The following LRRK2 variants were observed in gnomAD, a reference collection of about 807,000 sequenced individuals.
LRRK2 encodes leucine-rich repeat serine/threonine-protein kinase 2.
A neutral mutation model predicts 302.6 loss-of-function variants in LRRK2; 203 were observed. That is an observed-to-expected ratio of 0.67 (90% confidence interval 0.60 to 0.75). LRRK2 has a LOEUF of 0.75. LRRK2 is among the 30% of genes least tolerant of loss of function. The pLI, the probability that LRRK2 is intolerant of heterozygous loss-of-function variation, is 0.00. For missense variants in LRRK2, 2,830 were observed against 2,951.0 expected (o/e 0.96, Z 0.95); for synonymous variants, 1,066 against 1,031.9 (o/e 1.03, Z -0.63).
chr12:40,274,308 G>A (rs1943359376), intron 14 of LRRK2, among the ~76,000 whole-genome samples: 1 of 152,140 alleles, frequency 6.6e-6, no homozygotes, highest in South Asian at 2.1e-4. Flanking sequence ...TCTAATGGGA[G>A]TGATATCAGT....
intron 3 of LRRK2, 60 bp downstream of exon 3, chr12:40,232,443 C>T: frequency 8.4e-7 from 1 of 1,189,708 alleles, no homozygotes; most frequent in Non-Finnish European, 1.3e-6. Context: ...CACATGACAA[C>T]CTTCCCTTGA....
rs199843206 is a variant in LRRK2 at position 40,319,979 on chromosome 12, A to G, written c.4828-9A>G. Reference sequence around the variant, plus strand: ...ATTTTAGTGATTATTTATGACTCGAATCTTTCAGATTTTGACAGTGAAAGT... The same window carrying G: ...ATTTTAGTGATTATTTATGACTCGAGTCTTTCAGATTTTGACAGTGAAAGT... On this transcript the variant is annotated splice_polypyrimidine_tract_variant and intron_variant, in intron 33 of 50. Transcript: ENST00000298910. 5.0e-6 allele frequency: 8 copies of G among 1,605,730 alleles called. No homozygotes were observed. Among genetic ancestry groups the G allele is most frequent in the Non-Finnish European group, 6.8e-6 (8 of 1,176,030 alleles).
chr12:40,237,817 G>A, intron 4 of LRRK2, 152 bp from the exon 5 acceptor site: 2 of 753,520 alleles, frequency 2.7e-6, no homozygotes, highest in South Asian at 3.5e-5. Flanking sequence ...CAGTTAAGTA[G>A]TTTATCAACA....
chr12:40,281,864 T>C lies in LRRK2; in HGVS notation c.2242-2011T>C, dbSNP rs528824120. On this transcript the variant is annotated intron_variant, in intron 18 of 50. Transcript: ENST00000298910. ...ATGGGTTTCCTGTTTCAAGATGGTT[T>C]GTAGGTCTGTATGTGTAGGGCATTG... is the stretch of plus-strand genomic sequence containing the variant. Among the ~76,000 whole-genome samples, 48 of 152,318 alleles carry C rather than the reference T, an allele frequency of 3.2e-4. 1 individual carries two copies. Among genetic ancestry groups the C allele is most frequent in the African/African-American group, 1.1e-3 (46 of 41,580 alleles).
rs1477718182 is a variant in LRRK2, at chr12:40,365,049, A to G, written c.7389A>G (p.Leu2463=). ...TCAGAGTCATGATGACAGCACAGCT[A>G]GGCAAGTTTCTTTCCTTTAGATATT... The part of the protein sequence containing the change: ...NSVRVMMTAQ[L]GSLKNVMLVL... The change falls in exon 49 of 51, where the codon CTA becomes CTG. Residue 2463 remains leucine (L), a splice_region_variant and synonymous_variant. Transcript: ENST00000298910. 2.5e-6 allele frequency: 4 copies of G among 1,611,148 alleles called. No individual in the cohort carries two copies. The Admixed American group carries it at 5.0e-5, about 20-fold the overall frequency.
intron 38 of LRRK2, 149 bp downstream of exon 38, chr12:40,323,455 A>G: frequency 1.3e-6 from 1 of 752,212 alleles, no homozygotes; most frequent in South Asian, 2.0e-5. Context: ...TATATTTTAA[A>G]GGAATATAAT....
chr12:40,291,011 TA>T (rs1565717903), intron 20 of LRRK2, among the ~76,000 whole-genome samples: 1 of 152,052 alleles, frequency 6.6e-6, no homozygotes, highest in Admixed American at 6.6e-5. Context: ...TCTATTCATT[TA>T]AAAAAATTTA....
intron 48 of LRRK2, 35 bp downstream of exon 48, chr12:40,363,589 G>T (rs767058004): frequency 2.5e-6 from 4 of 1,602,686 alleles, no homozygotes; most frequent in Non-Finnish European, 2.6e-6. Flanking sequence ...ATTCCCAAAA[G>T]AATTATCTTT....
Position 40,346,921 on chromosome 12 carries a change from C to G in LRRK2, c.6278C>G (p.Pro2093Arg), listed in dbSNP as rs1946204697. The G allele has an allele frequency of 1.9e-6, 3 of 1,609,338 alleles. No homozygotes were observed. Among genetic ancestry groups the G allele is most frequent in the Non-Finnish European group, 2.5e-6 (3 of 1,178,636 alleles). ...GAATTAGAAATACAAGGAAAATTAC[C>G]TGGTAAGTTCTGTTTTCTCTACAAT... Reference protein sequence around the residue: ...FDELEIQGKLPDPVKEYGCAP... With the variant: ...FDELEIQGKLRDPVKEYGCAP... The change falls in exon 42 of 51, where the codon CCT (proline) becomes CGT (arginine). Residue 2093 changes from proline (P) to arginine (R), a missense_variant and splice_region_variant. Coordinates refer to ENST00000298910, the MANE Select transcript of LRRK2 (RefSeq NM_198578.4).
Position 40,365,062 on chromosome 12 carries a change from TC to T in LRRK2, c.7390+14del, listed in dbSNP as rs1410414442. ...GACAGCACAGCTAGGCAAGTTTCTT[TC>T]CTTTAGATATTTTTCATATTCTCTA... On this transcript the variant is annotated intron_variant, in intron 49 of 50. Transcript: ENST00000298910. 6.2e-7 allele frequency: 1 copy of T among 1,605,988 alleles called. No individual in the cohort carries two copies. The highest frequency in any genetic ancestry group is 1.1e-5 in the South Asian group (1 of 90,870).
rs1188539174 is a variant in LRRK2 at position 40,232,341 on chromosome 12, C to T, written c.305C>T (p.Pro102Leu). 1 of 1,613,910 alleles carries T rather than the reference C, an allele frequency of 6.2e-7. No homozygotes were observed. The highest frequency in any genetic ancestry group is 2.2e-5 in the East Asian group (1 of 44,848). Reference protein sequence around the residue: ...CPGTMQSLMGPQDVGNDWEVL... With the variant: ...CPGTMQSLMGLQDVGNDWEVL... ...GGTACAATGCAAAGCTTAATGGGAC[C>T]CCAGGATGTTGGAAATGATTGGGAA... The change falls in exon 3 of 51, where the codon CCC (proline) becomes CTC (leucine). Residue 102 changes from proline to leucine, a missense_variant. Pro to Leu is a moderately conservative substitution (Grantham distance 98, BLOSUM62 -3). Coordinates refer to ENST00000298910, the MANE Select transcript of LRRK2 (RefSeq NM_198578.4).
At chr12:40,344,549 G>T (rs1001319439) in intron 41 of LRRK2, among the ~76,000 whole-genome samples, 1 of 152,082 alleles carries the variant, frequency 6.6e-6, no homozygotes, top group Non-Finnish European at 1.5e-5. Context: ...TATGTCGTTT[G>T]TAAAATAGAA....
chr12:40,355,907 G>T (rs189429073), intron 45 of LRRK2, among the ~76,000 whole-genome samples: 30 of 152,194 alleles, frequency 2.0e-4, no homozygotes, highest in Non-Finnish European at 8.8e-5. Flanking sequence ...CATTCTTGGG[G>T]TATAAAACTG....
intron 27 of LRRK2, among the ~76,000 whole-genome samples, chr12:40,305,506 G>A (rs1174141123): frequency 1.3e-5 from 2 of 152,096 alleles, no homozygotes; most frequent in African/African-American, 2.4e-5. Flanking sequence ...TCAATGTCTT[G>A]AAGAGATGAA....
At chr12:40,363,595 T>G (rs780751474) in intron 48 of LRRK2, 41 bp downstream of exon 48, 10 of 1,594,038 alleles carry the variant, frequency 6.3e-6, no homozygotes, top group Non-Finnish European at 8.6e-6. Context: ...AAAAGAATTA[T>G]CTTTGCACTT....
intron 40 of LRRK2, among the ~76,000 whole-genome samples, chr12:40,339,777 A>T (rs1313996988): frequency 6.6e-6 from 1 of 152,190 alleles, no homozygotes; most frequent in African/African-American, 2.4e-5. Flanking sequence ...ACATTGGGAA[A>T]CATTTTAGTC....
chr12:40,252,818 ATTG>A (rs1219475600), intron 10 of LRRK2, 89 bp from the exon 11 acceptor site: 2 of 826,720 alleles, frequency 2.4e-6, no homozygotes, highest in Non-Finnish European at 2.1e-6. Flanking sequence ...TATGCTCTTA[ATTG>A]TTGTTAGAGA....
intron 40 of LRRK2, 38 bp from the exon 41 acceptor site, chr12:40,340,256 T>C: frequency 6.2e-7 from 1 of 1,605,150 alleles, no homozygotes; most frequent in Non-Finnish European, 8.5e-7. Flanking sequence ...TATAATGTAA[T>C]CACATTTGAA....
chr12:40,367,737 A>G lies in LRRK2; in HGVS notation c.7556A>G (p.Glu2519Gly). ...ATTGAAGTGAGAAAAGAATTAGCTG[A>G]AAAAATGAGACGAACATCTGTTGAG... ...KHIEVRKELAEKMRRTSVE is the reference protein window; with the variant it reads ...KHIEVRKELAGKMRRTSVE Residue 2519 changes from glutamate to glycine, a missense_variant, in exon 51 of 51, where the codon GAA becomes GGA. Coordinates refer to ENST00000298910, the MANE Select transcript of LRRK2 (RefSeq NM_198578.4). 3 of 1,605,844 alleles carry G rather than the reference A, an allele frequency of 1.9e-6. No individual in the cohort carries two copies. Among genetic ancestry groups the G allele is most frequent in the Non-Finnish European group, 1.7e-6 (2 of 1,175,182 alleles).
Sources: allele counts gnomAD v4.1 joint callset (sites outside exome capture counted in the v4.1 genomes callset), GRCh38; gene constraint gnomAD v4.1.1; transcripts MANE v1.5; gene names NCBI Gene and HGNC (gene_info 2026-07-23, HGNC 2026-07-21).